CADM2: variants seen among roughly 807,000 people sequenced by gnomAD.
CADM2 encodes cell adhesion molecule 2.
In CADM2, 12 loss-of-function variants were observed where a neutral mutation model predicts 49.8. The ratio of observed to expected loss-of-function variants is 0.24; its 90% confidence interval spans 0.15 to 0.39. CADM2 has a LOEUF of 0.39. CADM2 is among the 10% of genes least tolerant of loss of function. The pLI, the probability that CADM2 is intolerant of heterozygous loss-of-function variation, is 1.00. For synonymous variants in CADM2, 214 were observed against 175.4 expected, an observed-to-expected ratio of 1.22 and a Z score of -1.74; for missense variants, 378 against 492.3, an observed-to-expected ratio of 0.77 and a Z score of 2.20.
intron 1 of CADM2, among the ~76,000 whole-genome samples, chr3:85,457,540 C>CT (rs2038051240): frequency 6.6e-6 from 1 of 152,130 alleles, no homozygotes; most frequent in Admixed American, 6.5e-5. Context: ...TTTCTCTATA[C>CT]TATCATCATC....
chr3:85,604,283 C>T (rs10511074), intron 1 of CADM2, among the ~76,000 whole-genome samples: 34,762 of 151,664 alleles, frequency 0.23, 4,447 homozygotes, highest in Middle Eastern at 0.29. Flanking sequence ...AGATCAGTAA[C>T]GTGACTATCA....
At chr3:85,559,652 A>G (rs1042889245) in intron 1 of CADM2, among the ~76,000 whole-genome samples, 6 of 108,590 alleles carry the variant, frequency 5.5e-5, no homozygotes, top group Non-Finnish European at 1.2e-4. Flanking sequence ...ATGATTTAAA[A>G]GAAACACACA....
intron 4 of CADM2, among the ~76,000 whole-genome samples, chr3:85,885,303 G>A (rs144409200): frequency 1.1e-4 from 17 of 151,436 alleles, no homozygotes; most frequent in African/African-American, 3.1e-4. Context: ...TTGGGAGGCC[G>A]AGGTAGGTGG....
chr3:85,601,994 A>G (rs556474702), intron 1 of CADM2, among the ~76,000 whole-genome samples: 21 of 151,932 alleles, frequency 1.4e-4, no homozygotes, highest in African/African-American at 4.6e-4. Flanking sequence ...TAAAACTGTC[A>G]GCAGGAAAAA....
At position 85,014,704 on chromosome 3, in the gene CADM2, G is replaced by C. The variant is rs543431315; in HGVS notation, c.61+55036G>C. 2.6e-5 allele frequency among the ~76,000 whole-genome samples: 4 copies of C among 152,262 alleles called. No individual in the cohort carries two copies. The South Asian group carries it at 8.3e-4, about 32-fold the overall frequency. The stretch of plus-strand genomic sequence containing the variant: ...CTATAGTCATCTCAAAGCTCAACAG[G>C]AGCTTCCAAGCTTGCATGGTTTTTG... On this transcript the variant is annotated intron_variant, in intron 1 of 9. Coordinates refer to ENST00000383699, the MANE Select transcript of CADM2 (RefSeq NM_001167675.2).
At chr3:85,691,403 C>G (rs1219542840) in intron 1 of CADM2, among the ~76,000 whole-genome samples, 3 of 152,150 alleles carry the variant, frequency 2.0e-5, no homozygotes, top group Admixed American at 1.3e-4. Flanking sequence ...ATAAACATTT[C>G]GCAATATTCT....
intron 8 of CADM2, among the ~76,000 whole-genome samples, chr3:85,999,850 A>G (rs11927233): frequency 0.055 from 8,356 of 152,250 alleles, 542 homozygotes; most frequent in African/African-American, 0.16. Flanking sequence ...TATTTTAAGA[A>G]TGTTGTCTGA....
Position 85,477,098 on chromosome 3 carries a change from T to A in CADM2, c.62-249424T>A, listed in dbSNP as rs1165578774. ...TAGTAGCTTGATTAGTTAAGACTTT[T>A]GCCTGAAGGCATGACCACTGGGTAT... On this transcript the variant is annotated intron_variant, in intron 1 of 9. Transcript: ENST00000383699. Among the ~76,000 whole-genome samples, 6 of 151,904 alleles carry A rather than the reference T, an allele frequency of 3.9e-5. No homozygotes were observed. The Admixed American group carries it at 4.0e-4, about 10-fold the overall frequency.
intron 1 of CADM2, among the ~76,000 whole-genome samples, chr3:85,359,257 G>A (rs1461346298): frequency 6.6e-6 from 1 of 151,996 alleles, no homozygotes; most frequent in Non-Finnish European, 1.5e-5. Context: ...CCTTTGTTGA[G>A]ATTTTCAAAG....
intron 1 of CADM2, among the ~76,000 whole-genome samples, chr3:85,407,806 G>A (rs781209941): frequency 2.0e-5 from 3 of 151,834 alleles, no homozygotes; most frequent in Non-Finnish European, 4.4e-5. Context: ...AACATAGTGA[G>A]ACCCTGATTC....
chr3:85,789,507 C>G (rs1366382520), intron 2 of CADM2, among the ~76,000 whole-genome samples: 3 of 152,072 alleles, frequency 2.0e-5, no homozygotes, highest in Admixed American at 6.5e-5. Flanking sequence ...ATTTTCTTTT[C>G]ATTTTGAAAT....
chr3:85,196,730 A>G (rs2041353282), intron 1 of CADM2, among the ~76,000 whole-genome samples: 1 of 151,954 alleles, frequency 6.6e-6, no homozygotes, highest in African/African-American at 2.4e-5. Context: ...GGGAAAAGTC[A>G]TTTAAACATC....
chr3:85,547,646 G>A (rs2061699636), intron 1 of CADM2, among the ~76,000 whole-genome samples: 1 of 152,148 alleles, frequency 6.6e-6, no homozygotes, highest in Non-Finnish European at 1.5e-5. Context: ...CTCAGAAAAT[G>A]TTAGGAGTCA....
At chr3:85,738,746 C>G (rs768688713) in intron 2 of CADM2, among the ~76,000 whole-genome samples, 4 of 152,056 alleles carry the variant, frequency 2.6e-5, no homozygotes, top group South Asian at 4.1e-4. Context: ...TTTCTTAAAA[C>G]AAACAACCCA....
At chr3:84,975,798 T>G (rs2031780837) in intron 1 of CADM2, among the ~76,000 whole-genome samples, 1 of 151,872 alleles carries the variant, frequency 6.6e-6, no homozygotes, top group Non-Finnish European at 1.5e-5. Context: ...CATCTTACAA[T>G]GTAGAGAGAT....
chr3:84,961,862 C>T (rs1691471), intron 1 of CADM2, among the ~76,000 whole-genome samples: 43,975 of 152,096 alleles, frequency 0.29, 7,338 homozygotes, highest in Non-Finnish European at 0.38. Context: ...TCCTCTCTTC[C>T]TTCAACATTT....
intron 1 of CADM2, among the ~76,000 whole-genome samples, chr3:85,269,223 C>T (rs2043183315): frequency 6.6e-6 from 1 of 151,436 alleles, no homozygotes; most frequent in East Asian, 1.9e-4. Flanking sequence ...GATTATTTCA[C>T]TCTAAACCCC....
At chr3:86,062,781 A>G (rs757066770) in intron 8 of CADM2, among the ~76,000 whole-genome samples, 8 of 151,846 alleles carry the variant, frequency 5.3e-5, no homozygotes, top group Non-Finnish European at 8.8e-5. Context: ...GGCAAAACAT[A>G]AAACGAAACA....
At chr3:85,332,556 T>A (rs2044959502) in intron 1 of CADM2, among the ~76,000 whole-genome samples, 1 of 152,036 alleles carries the variant, frequency 6.6e-6, no homozygotes, top group African/African-American at 2.4e-5. Flanking sequence ...TCTGAGTTTA[T>A]AATTTTAGGT....
Sources: allele counts gnomAD v4.1 joint callset (sites outside exome capture counted in the v4.1 genomes callset), GRCh38; gene constraint gnomAD v4.1.1; transcripts MANE v1.5; gene names NCBI Gene and HGNC (gene_info 2026-07-23, HGNC 2026-07-21).